ENDOV: variants seen among roughly 807,000 people sequenced by gnomAD.
The protein encoded by ENDOV is endonuclease V.
A neutral mutation model predicts 39.4 loss-of-function variants in ENDOV; 37 were observed. The ratio of observed to expected loss-of-function variants is 0.94; its 90% CI spans 0.72 to 1.23. The LOEUF (loss-of-function observed/expected upper bound fraction) is 1.23, where lower values mean the gene tolerates loss of function less well. Ranked by LOEUF, ENDOV falls within the 50% of genes most tolerant of loss-of-function variation. The pLI is 0.00. For missense variants in ENDOV, 441 were observed against 375.7 expected (o/e 1.17, Z -1.44); for synonymous variants, 186 against 163.4 (o/e 1.14, Z -1.05).
chr17:80,416,121 C>T (rs1266752943), intron 2 of ENDOV: 2 of 251,522 alleles, frequency 8.0e-6, no homozygotes, highest in South Asian at 4.0e-5. Context: ...CCTGTAATCC[C>T]AGCTACTCGG....
At chr17:80,435,102 T>A (rs1438174074) in intron 9 of ENDOV, among the ~76,000 whole-genome samples, 1 of 127,808 alleles carries the variant, frequency 7.8e-6, no homozygotes, top group Non-Finnish European at 1.7e-5. Context: ...GTCATCTTGT[T>A]GAGTTGCAGA....
At chr17:80,434,398 A>G (rs879506024) in intron 9 of ENDOV, among the ~76,000 whole-genome samples, 1 of 152,178 alleles carries the variant, frequency 6.6e-6, no homozygotes, top group Non-Finnish European at 1.5e-5. Flanking sequence ...TAATGCTGCA[A>G]TGAAGACTGA....
intron 6 of ENDOV, 83 bp downstream of exon 6, chr17:80,425,183 C>T (rs1324957152): frequency 4.1e-6 from 5 of 1,231,890 alleles, no homozygotes; most frequent in African/African-American, 1.5e-5. Flanking sequence ...TGCAGACACG[C>T]GTGCACTCAC....
chr17:80,436,156 G>A lies in ENDOV; in HGVS notation c.*13G>A, dbSNP rs774883305. 14 of 1,603,576 alleles carry A rather than the reference G, an allele frequency of 8.7e-6. No individual in the cohort carries two copies. The African/African-American group carries it at 1.3e-4, about 15-fold the overall frequency. ...AGCACTTTGTTGAACGTGGTGGTGA[G>A]AGCACACGTCCTCGTCTCATTCCTG... On this transcript the variant is annotated 3_prime_UTR_variant, in exon 10 of 10. Coordinates refer to ENST00000518137, the MANE Select transcript of ENDOV (RefSeq NM_173627.5).
rs41299828 is a variant in ENDOV at position 80,424,909 on chromosome 17, C to T, written c.517-123C>T. 4.8e-4 allele frequency: 359 copies of T among 754,360 alleles called. 1 individual carries two copies. In the African/African-American group the frequency reaches 5.2e-3, roughly 11 times the overall value. 46.7% of individuals were successfully genotyped at this position (754,360 alleles called of 1,614,324 possible). A position where few individuals can be genotyped will look rare whatever the true frequency, so the allele number is the denominator to read the frequency against. On this transcript the variant is annotated intron_variant, in intron 5 of 9. Coordinates refer to ENST00000518137, the MANE Select transcript of ENDOV (RefSeq NM_173627.5). The stretch of plus-strand genomic sequence containing the variant: ...GGCAGAGGTTGCAGTGAGCTGAGAT[C>T]GCGCCACTGTACTTCAGCCTGGGCA...
chr17:80,417,394 A>G (rs1274978894), intron 2 of ENDOV: 1 of 152,264 alleles, frequency 6.6e-6, no homozygotes. Context: ...CAAGACGAGG[A>G]CTTGTCCCTC....
rs1335351939 is a variant in ENDOV at position 80,437,122 on chromosome 17, A to T, written c.*979A>T. On this transcript the variant is annotated 3_prime_UTR_variant, in exon 10 of 10. Transcript: ENST00000518137. ...CTGGCATCTTCTTTTAACTTGGGCC[A>T]TCTGGCCGTGCATGGTTTTGGGAGA... is the stretch of plus-strand genomic sequence containing the variant. 6.5e-6 allele frequency: 1 copy of T among 152,732 alleles called. No individual in the cohort carries two copies. Among genetic ancestry groups the T allele is most frequent in the East Asian group, 1.9e-4 (1 of 5,196 alleles). The allele number at this position is 152,732 out of a possible 1,614,324, so 9.5% of individuals were successfully genotyped here.
Position 80,415,702 on chromosome 17 carries a change from C to T in ENDOV, c.109C>T (p.Gln37Ter). 4.3e-6 allele frequency: 7 copies of T among 1,611,394 alleles called. No homozygotes were observed. Among genetic ancestry groups the T allele is most frequent in the Non-Finnish European group, 5.9e-6 (7 of 1,178,928 alleles). Residue 37 changes from glutamine (Q) to a stop codon, truncating the protein, a stop_gained, in exon 2 of 10, where the codon CAG becomes TAG. Coordinates refer to ENST00000518137, the MANE Select transcript of ENDOV (RefSeq NM_173627.5). LOFTEE classifies it high-confidence loss of function. ...CGTAGACCGGGACACCGAGGCGTGGCAGCGAGACCCCGCCTTCTCGGGTCT... is the reference window on the plus strand; with the variant it reads ...CGTAGACCGGGACACCGAGGCGTGGTAGCGAGACCCCGCCTTCTCGGGTCT... ...HVVDRDTEAW[Q>*]RDPAFSGLQR...
intron 9 of ENDOV, chr17:80,430,242 C>A: frequency 6.8e-7 from 1 of 1,471,662 alleles, no homozygotes; most frequent in East Asian, 2.5e-5. Flanking sequence ...AGACGCTTTC[C>A]CGGAGCCGAC....
At chr17:80,433,551 C>T (rs888026280) in intron 9 of ENDOV, among the ~76,000 whole-genome samples, 2 of 152,276 alleles carry the variant, frequency 1.3e-5, no homozygotes, top group African/African-American at 4.8e-5. Context: ...GACAGGACCA[C>T]ACCTCCTGCG....
chr17:80,427,630 G>A (rs1057285138), intron 7 of ENDOV: 11 of 1,177,896 alleles, frequency 9.3e-6, no homozygotes, highest in South Asian at 3.1e-5. Context: ...TCTGTCTCTC[G>A]GTCCATTTTC....
chr17:80,424,420 G>A, intron 5 of ENDOV: 1 of 400,132 alleles, frequency 2.5e-6, no homozygotes, highest in Non-Finnish European at 4.4e-6. Flanking sequence ...ACTGGGCAGT[G>A]GCGGCACCTG....
intron 7 of ENDOV, chr17:80,427,453 G>A (rs554948066): frequency 5.1e-6 from 5 of 985,452 alleles, no homozygotes; most frequent in Non-Finnish European, 6.0e-6. Flanking sequence ...TCTAGAAATA[G>A]AGCAAGGATC....
intron 9 of ENDOV, chr17:80,430,315 A>G (rs766224087): frequency 2.2e-5 from 34 of 1,518,210 alleles, no homozygotes; most frequent in Non-Finnish European, 2.9e-5. Flanking sequence ...CACCCCTTTC[A>G]ATAGATGGAA....
At position 80,437,620 on chromosome 17, in the gene ENDOV, G is replaced by C. The variant is rs41303574; in HGVS notation, c.*1477G>C. 1.3e-5 allele frequency: 2 copies of C among 152,424 alleles called. No individual in the cohort carries two copies. The highest frequency in any genetic ancestry group is 4.1e-4 in the South Asian group (2 of 4,834). 9.4% of individuals were successfully genotyped at this position (152,424 alleles called of 1,614,324 possible). A position where few individuals can be genotyped will look rare whatever the true frequency, so the allele number is the denominator to read the frequency against. ...CATGAACCACATGAGGAGAGGCAGG[G>C]CGTGTCAGCAGCAAACCTAAGTGTG... is the stretch of plus-strand genomic sequence containing the variant. On this transcript the variant is annotated 3_prime_UTR_variant, in exon 10 of 10. Transcript: ENST00000518137.
chr17:80,427,507 C>A lies in ENDOV; in HGVS notation c.715-1089C>A. On this transcript the variant is annotated intron_variant, in intron 7 of 9. Coordinates refer to ENST00000518137, the MANE Select transcript of ENDOV (RefSeq NM_173627.5). ...AGAGCCTGCCAAATCCTGGGCCCAC[C>A]CTCCAGAGGAAGGAAAGCCGCAACC... 4 of 985,466 alleles carry A rather than the reference C, an allele frequency of 4.1e-6. No homozygotes were observed. In the South Asian group the frequency reaches 1.9e-4, roughly 46 times the overall value. The allele number at this position is 985,466 out of a possible 1,614,324, so 61.0% of individuals were successfully genotyped here. A position where few individuals can be genotyped will look rare whatever the true frequency, so the allele number is the denominator to read the frequency against.
intron 6 of ENDOV, 100 bp from the exon 7 acceptor site, chr17:80,425,392 G>T (rs537571857): frequency 4.0e-6 from 6 of 1,482,764 alleles, no homozygotes; most frequent in Non-Finnish European, 5.4e-6. Context: ...CTTCCCCCTT[G>T]CCCCCAGGAC....
intron 7 of ENDOV, chr17:80,427,629 C>G (rs751541466): frequency 1.7e-6 from 2 of 1,180,522 alleles, no homozygotes; most frequent in Non-Finnish European, 1.1e-6. Context: ...CTCTGTCTCT[C>G]GGTCCATTTT....
intron 1 of ENDOV, 151 bp downstream of exon 1, chr17:80,415,401 G>A (rs2080951611): frequency 1.8e-6 from 2 of 1,084,388 alleles, no homozygotes; most frequent in Non-Finnish European, 2.6e-6. Context: ...CGGAAGCGGA[G>A]GGATCTCAGG....
Sources: allele counts gnomAD v4.1 joint callset (sites outside exome capture counted in the v4.1 genomes callset), GRCh38; gene constraint gnomAD v4.1.1; transcripts MANE v1.5; gene names NCBI Gene and HGNC (gene_info 2026-07-23, HGNC 2026-07-21).